Variants in GNA14 observed in about 807,000 individuals in gnomAD.
The protein encoded by GNA14 is G protein subunit alpha 14.
A neutral mutation model predicts 42.0 loss-of-function variants in GNA14; 50 were observed. The ratio of observed to expected loss-of-function variants is 1.19; its 90% confidence interval spans 0.95 to 1.51. The LOEUF (loss-of-function observed/expected upper bound fraction) is 1.51, where lower values mean the gene tolerates loss of function less well. Ranked by LOEUF, GNA14 falls within the 40% of genes most tolerant of loss-of-function variation. The pLI is 0.00. For synonymous variants in GNA14, 173 were observed against 163.1 expected (o/e 1.06, Z -0.46); for missense variants, 473 against 446.2 (o/e 1.06, Z -0.54).
At chr9:77,464,968 A>G (rs961782702) in intron 2 of GNA14, among the ~76,000 whole-genome samples, 8 of 152,202 alleles carry the variant, frequency 5.3e-5, no homozygotes, top group Non-Finnish European at 8.8e-5. Context: ...TGGGGGTTAC[A>G]TGGCCACAAG....
At chr9:77,477,146 C>G (rs989624804) in intron 2 of GNA14, among the ~76,000 whole-genome samples, 1 of 152,106 alleles carries the variant, frequency 6.6e-6, no homozygotes, top group African/African-American at 2.4e-5. Flanking sequence ...TGCTTGAGGC[C>G]AGGAGCTCGA....
At chr9:77,541,189 G>T (rs1837656827) in intron 1 of GNA14, among the ~76,000 whole-genome samples, 1 of 152,018 alleles carries the variant, frequency 6.6e-6, no homozygotes, top group South Asian at 2.1e-4. Flanking sequence ...CCAGGTTTAG[G>T]ACTTCTTTGT....
At chr9:77,447,121 G>A (rs959333706) in intron 2 of GNA14, among the ~76,000 whole-genome samples, 24 of 151,946 alleles carry the variant, frequency 1.6e-4, no homozygotes, top group African/African-American at 5.1e-4. Flanking sequence ...ACACCACCAC[G>A]CCGAGTAGAG....
intron 2 of GNA14, among the ~76,000 whole-genome samples, chr9:77,450,598 T>C (rs913193527): frequency 6.6e-6 from 1 of 151,894 alleles, no homozygotes; most frequent in Non-Finnish European, 1.5e-5. Context: ...GATGCAAATG[T>C]TTCCATCTGA....
chr9:77,466,701 A>T (rs918880425), intron 2 of GNA14, among the ~76,000 whole-genome samples: 4 of 152,182 alleles, frequency 2.6e-5, no homozygotes, highest in African/African-American at 9.6e-5. Context: ...CTTTCTTTTG[A>T]GAGCTGGACA....
At chr9:77,472,210 G>A (rs1244712337) in intron 2 of GNA14, among the ~76,000 whole-genome samples, 1 of 152,160 alleles carries the variant, frequency 6.6e-6, no homozygotes, top group African/African-American at 2.4e-5. Context: ...TCATACTTTG[G>A]AAAATGGACG....
At chr9:77,627,151 T>C (rs1824024516) in intron 1 of GNA14, among the ~76,000 whole-genome samples, 1 of 152,204 alleles carries the variant, frequency 6.6e-6, no homozygotes, top group East Asian at 1.9e-4. Context: ...CATAAATTCC[T>C]GGACACATAC....
chr9:77,602,398 C>G (rs2117919626), intron 1 of GNA14, among the ~76,000 whole-genome samples: 1 of 152,296 alleles, frequency 6.6e-6, no homozygotes, highest in Non-Finnish European at 1.5e-5. Context: ...AATGCAACTA[C>G]CAATGGGTTT....
intron 3 of GNA14, among the ~76,000 whole-genome samples, chr9:77,433,100 T>C (rs934876425): frequency 1.3e-5 from 2 of 152,216 alleles, no homozygotes; most frequent in Non-Finnish European, 2.9e-5. Flanking sequence ...AGGAAGCCCA[T>C]TGAAACCACA....
At chr9:77,516,279 C>T (rs977932437) in intron 2 of GNA14, among the ~76,000 whole-genome samples, 2 of 152,186 alleles carry the variant, frequency 1.3e-5, no homozygotes, top group Non-Finnish European at 2.9e-5. Flanking sequence ...CAAATGTCTA[C>T]TATTGCTATG....
intron 1 of GNA14, among the ~76,000 whole-genome samples, chr9:77,618,601 TA>T (rs1296167813): frequency 0.094 from 1,332 of 14,194 alleles, 99 homozygotes; most frequent in Non-Finnish European, 0.16. Context: ...TATATATATA[TA>T]TATATATATA....
At chr9:77,627,399 C>T (rs1354549413) in intron 1 of GNA14, among the ~76,000 whole-genome samples, 2 of 152,094 alleles carry the variant, frequency 1.3e-5, no homozygotes, top group Admixed American at 1.3e-4. Context: ...CAGCATTATC[C>T]TGATACCAAA....
intron 1 of GNA14, among the ~76,000 whole-genome samples, chr9:77,530,569 A>C (rs1837511672): frequency 6.6e-6 from 1 of 152,258 alleles, no homozygotes; most frequent in South Asian, 2.1e-4. Context: ...CTAAGATTCT[A>C]ATTGGTTAAA....
intron 1 of GNA14, among the ~76,000 whole-genome samples, chr9:77,590,577 G>A (rs1301388275): frequency 6.6e-6 from 1 of 152,012 alleles, no homozygotes; most frequent in Non-Finnish European, 1.5e-5. Context: ...GCTCACTCTT[G>A]TCCAAGCCAT....
At chr9:77,458,394 C>A (rs1443860) in intron 2 of GNA14, among the ~76,000 whole-genome samples, 1 of 152,050 alleles carries the variant, frequency 6.6e-6, no homozygotes, top group African/African-American at 2.4e-5. Flanking sequence ...ACTAGGAATG[C>A]GCTGGCCACG....
At chr9:77,432,404 T>C (rs1284242214) in intron 3 of GNA14, among the ~76,000 whole-genome samples, 1 of 152,198 alleles carries the variant, frequency 6.6e-6, no homozygotes, top group African/African-American at 2.4e-5. Flanking sequence ...TCACTGTTTT[T>C]GCTGTACTTT....
chr9:77,618,616 ATATATTTTTTTTTTTTTTTTTTTT>A (rs1414060208), intron 1 of GNA14, among the ~76,000 whole-genome samples: 3 of 10,176 alleles, frequency 2.9e-4, no homozygotes, highest in Non-Finnish European at 4.7e-4. Context: ...ATATATATAT[ATATATTTTTTTTTTTTTTTTTTTT>A]TTTTTTTTTT....
chr9:77,522,859 G>T (rs11789121), intron 2 of GNA14, among the ~76,000 whole-genome samples: 2 of 152,148 alleles, frequency 1.3e-5, no homozygotes, highest in Non-Finnish European at 2.9e-5. Context: ...GGAACTCCAA[G>T]GGACTGAGTG....
intron 2 of GNA14, among the ~76,000 whole-genome samples, chr9:77,500,507 C>G (rs183934759): frequency 2.2e-4 from 33 of 152,254 alleles, no homozygotes; most frequent in Non-Finnish European, 1.5e-5. Context: ...AACATCAAAA[C>G]CAGGACATTG....
Sources: allele counts gnomAD v4.1 joint callset (sites outside exome capture counted in the v4.1 genomes callset), GRCh38; gene constraint gnomAD v4.1.1; transcripts MANE v1.5; gene names NCBI Gene and HGNC (gene_info 2026-07-23, HGNC 2026-07-21).